ABCA13: variants seen among roughly 807,000 people sequenced by gnomAD.
The protein encoded by ABCA13 is ATP-binding cassette sub-family A member 13.
Under a neutral mutation model 478.7 loss-of-function variants are expected in ABCA13, and 476 were observed. That is an observed-to-expected ratio of 0.99 (90% confidence interval 0.92 to 1.07). The LOEUF (loss-of-function observed/expected upper bound fraction) is 1.07. Ranked by LOEUF, ABCA13 falls within the 50% of genes least tolerant of loss-of-function variation. The pLI, the probability that ABCA13 is intolerant of heterozygous loss-of-function variation, is 0.00. For missense variants in ABCA13, 6,060 were observed against 5,910.6 expected, an observed-to-expected ratio of 1.03 and a Z score of -0.83; for synonymous variants, 2,252 against 2,158.9, an observed-to-expected ratio of 1.04 and a Z score of -1.20.
chr7:48,427,761 G>C lies in ABCA13; in HGVS notation c.12460-5G>C, dbSNP rs140972048. ...TAATACATGGCGTTTTTTTTTCTCC[G>C]AAAGGTGTTTTTGATGCTTTTGCAA... On this transcript the variant is annotated splice_region_variant and splice_polypyrimidine_tract_variant and intron_variant, in intron 41 of 61. Transcript: ENST00000435803. The C allele has an allele frequency of 6.3e-7, 1 of 1,596,238 alleles. No homozygotes were observed. The highest frequency in any genetic ancestry group is 2.2e-5 in the East Asian group (1 of 44,638).
In ABCA13 at chr7:48,489,270, C is replaced by A. The variant is rs2130678972; in HGVS notation, c.13217C>A (p.Pro4406His). ...WYNQKGFHSLPSYLNHLNNLI... is the reference protein window; with the variant it reads ...WYNQKGFHSLHSYLNHLNNLI... The stretch of plus-strand genomic sequence containing the variant: ...AATCAGAAGGGTTTTCATTCCCTAC[C>A]TTCCTACTTAAATCATCTAAACAAC... The change falls in exon 48 of 62, where the codon CCT becomes CAT. Residue 4406 changes from proline to histidine, a missense_variant. Pro to His is a moderately conservative substitution (Grantham distance 77, BLOSUM62 -2). This residue lies in a region of ABCA13 where 1,627 missense variants were observed against 1,571.0 expected (regional missense o/e 1.04). Transcript: ENST00000435803. 1 of 1,612,576 alleles carries A rather than the reference C, an allele frequency of 6.2e-7. No individual in the cohort carries two copies. Among genetic ancestry groups the A allele is most frequent in the East Asian group, 2.2e-5 (1 of 44,828 alleles).
At chr7:48,422,968 C>T (rs140165314) in intron 41 of ABCA13, among the ~76,000 whole-genome samples, 2 of 152,184 alleles carry the variant, frequency 1.3e-5, no homozygotes, top group African/African-American at 4.8e-5. Flanking sequence ...AGTATATTAT[C>T]CCTTGATTTT....
chr7:48,400,733 A>G (rs1817488753), intron 38 of ABCA13, among the ~76,000 whole-genome samples: 1 of 152,186 alleles, frequency 6.6e-6, no homozygotes, highest in Non-Finnish European at 1.5e-5. Context: ...TGCTGCAATG[A>G]TAGGTGTTCA....
chr7:48,347,139 C>T (rs572257510), intron 29 of ABCA13, among the ~76,000 whole-genome samples: 1 of 152,278 alleles, frequency 6.6e-6, no homozygotes, highest in African/African-American at 2.4e-5. Flanking sequence ...GAACCTGATA[C>T]CTCAATACTT....
In ABCA13 at chr7:48,275,665, C is replaced by T. The variant is rs1405888623; in HGVS notation, c.5999C>T (p.Ser2000Leu). Residue 2000 changes from serine to leucine, a missense_variant, in exon 17 of 62, where the codon TCA (serine) becomes TTA (leucine). Physicochemically the swap from Ser to Leu is moderately radical, Grantham distance 145 (BLOSUM62 -2). This residue lies in a region of ABCA13 where 4,423 missense variants were observed against 4,309.1 expected (regional missense o/e 1.03). Transcript: ENST00000435803. ...ACATCTGTTCAAAATATTATTTCCT[C>T]AAATTTGGAAAGGACAGTACAATTG... ...TETSVQNIIS[S>L]NLERTVQLIS... The T allele has an allele frequency of 6.3e-7, 1 of 1,599,074 alleles. No homozygotes were observed.
chr7:48,243,360 T>C (rs1357613605), intron 10 of ABCA13, among the ~76,000 whole-genome samples: 2 of 152,222 alleles, frequency 1.3e-5, no homozygotes, highest in Admixed American at 6.5e-5. Context: ...TCCTTCTCAG[T>C]GTAATCCAAA....
intron 42 of ABCA13, among the ~76,000 whole-genome samples, chr7:48,454,586 C>T (rs6969037): frequency 0.022 from 3,307 of 152,032 alleles, 50 homozygotes; most frequent in Non-Finnish European, 0.032. Context: ...CCGGGAGGAG[C>T]GGGGGCGGGG....
At position 48,483,080 on chromosome 7, in the gene ABCA13, G is replaced by A. The variant is rs769477841; in HGVS notation, c.13099G>A (p.Gly4367Arg). ...LLAPSEKPRL[G>R]GWSFGLKIPS... Reference sequence around the variant, plus strand: ...CACAATGTTCATTGTTAACAGGCTTGGAGGTTGGTCTTTTGGATTAAAAAT... The same window carrying A: ...CACAATGTTCATTGTTAACAGGCTTAGAGGTTGGTCTTTTGGATTAAAAAT... The change falls in exon 47 of 62, where the codon GGA becomes AGA. Residue 4367 changes from glycine to arginine, a missense_variant. Gly to Arg is a moderately radical substitution (Grantham distance 125, BLOSUM62 -2). Around this residue, in one of 3 missense-constraint regions of ABCA13, gnomAD observed 1,627 missense variants for 1,571.0 expected, o/e 1.04. Coordinates refer to ENST00000435803, the MANE Select transcript of ABCA13 (RefSeq NM_152701.5). 3 of 1,610,524 alleles carry A rather than the reference G, an allele frequency of 1.9e-6. No homozygotes were observed. The highest frequency in any genetic ancestry group is 8.5e-7 in the Non-Finnish European group (1 of 1,178,434).
intron 38 of ABCA13, among the ~76,000 whole-genome samples, chr7:48,401,608 A>G (rs938496680): frequency 9.2e-5 from 14 of 152,150 alleles, no homozygotes; most frequent in Admixed American, 3.9e-4. Flanking sequence ...CCAATATGCA[A>G]CCAGCACCTA....
chr7:48,332,923 C>G (rs1369233022), intron 27 of ABCA13, among the ~76,000 whole-genome samples: 1 of 152,106 alleles, frequency 6.6e-6, no homozygotes, highest in East Asian at 1.9e-4. Context: ...GTAGATTTCT[C>G]TCAGTTTATC....
chr7:48,372,491 A>G lies in ABCA13; in HGVS notation c.11127A>G (p.Thr3709=). 2 of 1,522,046 alleles carry G rather than the reference A, an allele frequency of 1.3e-6. No individual in the cohort carries two copies. Among genetic ancestry groups the G allele is most frequent in the Non-Finnish European group, 1.8e-6 (2 of 1,125,178 alleles). 94.3% of individuals were successfully genotyped at this position (1,522,046 alleles called of 1,614,324 possible). The part of the protein sequence containing the change: ...LHNQLSFVNQ[T]FLCLLSTTAF... ...ACCAATTAAGTTTTGTTAATCAGAC[A>G]TTTCTGGTAAGTAAGTTGTTTTGTA... Residue 3709 remains threonine, a synonymous_variant, in exon 33 of 62, where the codon ACA becomes ACG. Transcript: ENST00000435803.
rs763086252 is a variant in ABCA13, at chr7:48,279,317, T to C, written c.8123T>C (p.Ile2708Thr). Residue 2708 changes from isoleucine (I) to threonine (T), a missense_variant, in exon 18 of 62, where the codon ATA (isoleucine) becomes ACA (threonine). By Grantham distance (89) the Ile-to-Thr change is moderately conservative. Transcript: ENST00000435803. Reference sequence around the variant, plus strand: ...TCCACTCATAGTGGCCCTCAAGATATAAAATGGGAAATAATTCATGAAGTG... The same window carrying C: ...TCCACTCATAGTGGCCCTCAAGATACAAAATGGGAAATAATTCATGAAGTG... ...PISTHSGPQD[I>T]KWEIIHEVIP... 9 of 1,586,902 alleles carry C rather than the reference T, an allele frequency of 5.7e-6. No individual in the cohort carries two copies. In the Admixed American group the frequency reaches 1.6e-4, roughly 28 times the overall value.
chr7:48,506,283 A>T (rs6583447), intron 48 of ABCA13, 53 bp from the exon 49 acceptor site: 379,700 of 1,576,418 alleles, frequency 0.24, 48,223 homozygotes, highest in African/African-American at 0.41. Context: ...ATGAGCTGCG[A>T]TTCACCATGC....
chr7:48,261,999 G>T (rs1161055899), intron 15 of ABCA13, among the ~76,000 whole-genome samples: 3 of 151,840 alleles, frequency 2.0e-5, no homozygotes, highest in Non-Finnish European at 4.4e-5. Context: ...TTTTCTTTTA[G>T]GTGGTTCAAT....
chr7:48,426,821 T>G (rs2129135220), intron 41 of ABCA13, among the ~76,000 whole-genome samples: 1 of 152,338 alleles, frequency 6.6e-6, no homozygotes, highest in African/African-American at 2.4e-5. Flanking sequence ...TTCCAGAGTC[T>G]GTGCCTGGCA....
intron 55 of ABCA13, among the ~76,000 whole-genome samples, chr7:48,536,940 G>T (rs1833624953): frequency 6.6e-6 from 1 of 151,724 alleles, no homozygotes; most frequent in South Asian, 2.1e-4. Context: ...GACAATTTGT[G>T]TTTCCTTAGA....
intron 23 of ABCA13, among the ~76,000 whole-genome samples, chr7:48,306,195 T>C (rs1800879868): frequency 1.3e-5 from 2 of 152,210 alleles, no homozygotes; most frequent in African/African-American, 4.8e-5. Context: ...CTGCGGAGCT[T>C]CCACATGACA....
intron 59 of ABCA13, among the ~76,000 whole-genome samples, chr7:48,633,573 G>A (rs1794350737): frequency 6.6e-6 from 1 of 151,860 alleles, no homozygotes; most frequent in African/African-American, 2.4e-5. Flanking sequence ...GAACCACAAT[G>A]GAATATAAAA....
intron 44 of ABCA13, among the ~76,000 whole-genome samples, chr7:48,468,045 G>C (rs116003866): frequency 0.017 from 2,633 of 151,754 alleles, 79 homozygotes; most frequent in African/African-American, 0.06. Context: ...GTCTACCTTT[G>C]AAAAATTGAA....
Sources: allele counts gnomAD v4.1 joint callset (sites outside exome capture counted in the v4.1 genomes callset), GRCh38; gene constraint gnomAD v4.1.1; regional missense constraint gnomAD v4.1.1; transcripts MANE v1.5; gene names NCBI Gene and HGNC (gene_info 2026-07-23, HGNC 2026-07-21).